Variants in FANK1 observed in about 807,000 individuals in gnomAD.
FANK1 encodes the protein fibronectin type 3 and ankyrin repeat domains protein 1.
In FANK1, 44 loss-of-function variants were observed where a neutral mutation model predicts 45.3. The ratio of observed to expected loss-of-function variants is 0.97; its 90% CI spans 0.76 to 1.25. FANK1 has a LOEUF of 1.25. FANK1 is among the 50% of genes most tolerant of loss of function. The pLI is 0.00. For missense variants in FANK1, 391 were observed against 424.4 expected (o/e 0.92, Z 0.69); for synonymous variants, 149 against 152.5 (o/e 0.98, Z 0.17).
intron 1 of FANK1, among the ~76,000 whole-genome samples, chr10:125,898,804 A>G (rs1443433689): frequency 2.0e-5 from 3 of 152,100 alleles, no homozygotes; most frequent in Non-Finnish European, 4.4e-5. Flanking sequence ...TACCTGAGGA[A>G]TGACTGTAAA....
At chr10:125,954,727 C>T (rs11244717) in intron 1 of FANK1, among the ~76,000 whole-genome samples, 1 of 151,848 alleles carries the variant, frequency 6.6e-6, no homozygotes, top group African/African-American at 2.4e-5. Flanking sequence ...CGAGACCAGC[C>T]TGGCCAACAT....
At chr10:125,910,262 A>G (rs1210684859) in intron 1 of FANK1, among the ~76,000 whole-genome samples, 4 of 152,234 alleles carry the variant, frequency 2.6e-5, no homozygotes, top group Non-Finnish European at 5.9e-5. Context: ...TCTAGCATAA[A>G]GAGTCCTACA....
chr10:126,000,896 A>C (rs1207581738), intron 6 of FANK1, among the ~76,000 whole-genome samples: 1 of 152,192 alleles, frequency 6.6e-6, no homozygotes, highest in East Asian at 1.9e-4. Context: ...TTTATAGCAG[A>C]ATCAATATAA....
intron 3 of FANK1, chr10:125,988,916 A>G (rs1172344627): frequency 3.2e-6 from 2 of 627,180 alleles, no homozygotes; most frequent in African/African-American, 3.6e-5. Flanking sequence ...GTTAGTAGCC[A>G]TTCAGCACAA....
Position 126,008,111 on chromosome 10 carries a change from A to C in FANK1, c.706-296A>C, listed in dbSNP as rs551336409. Among the ~76,000 whole-genome samples the C allele has an allele frequency of 4.1e-4, 62 of 152,326 alleles. 1 individual carries two copies. The highest frequency in any genetic ancestry group is 1.5e-5 in the Non-Finnish European group (1 of 68,036). On this transcript the variant is annotated intron_variant, in intron 7 of 10. Transcript: ENST00000368693. ...AAGAAAAATGAATGCTAGGTGAGGA[A>C]AGTTAGGCAAGAGAAAATAAGAACT...
rs375431303 is a variant in FANK1, at chr10:125,971,773, T to A, written c.14-8388T>A. The stretch of plus-strand genomic sequence containing the variant: ...AGTAGCTGGGACTACAGGTGCCCGC[T>A]ACCACGGCCGGCTAATTTTTTTGTA... On this transcript the variant is annotated intron_variant, in intron 1 of 10. Transcript: ENST00000368693. Among the ~76,000 whole-genome samples the A allele has an allele frequency of 2.6e-5, 4 of 151,968 alleles. No homozygotes were observed. The East Asian group carries it at 5.9e-4, about 22-fold the overall frequency.
intron 1 of FANK1, among the ~76,000 whole-genome samples, chr10:125,964,477 A>G (rs1053000321): frequency 2.6e-5 from 4 of 152,160 alleles, no homozygotes; most frequent in African/African-American, 9.7e-5. Flanking sequence ...ACAGGTGTGA[A>G]CCACTGCACC....
chr10:126,008,655 G>T, intron 8 of FANK1, 105 bp downstream of exon 8: 1 of 1,333,636 alleles, frequency 7.5e-7, no homozygotes, highest in African/African-American at 1.5e-5. Flanking sequence ...ACCAGCCCTT[G>T]GGTTTGACTG....
At chr10:125,911,135 C>T (rs1199739368) in intron 1 of FANK1, among the ~76,000 whole-genome samples, 3 of 151,974 alleles carry the variant, frequency 2.0e-5, no homozygotes, top group African/African-American at 2.4e-5. Context: ...GTGAGATGGG[C>T]AGAGGAGCGT....
At chr10:125,988,501 G>C (rs765195445) in intron 2 of FANK1, 50 bp from the exon 3 acceptor site, 7 of 1,599,496 alleles carry the variant, frequency 4.4e-6, no homozygotes, top group Non-Finnish European at 6.0e-6. Flanking sequence ...ATCAGAGAGT[G>C]CAGATTAAGC....
intron 2 of FANK1, among the ~76,000 whole-genome samples, chr10:125,982,316 C>T (rs1269404879): frequency 6.6e-6 from 1 of 152,202 alleles, no homozygotes; most frequent in Non-Finnish European, 1.5e-5. Context: ...GGCTTCCAGC[C>T]TGAGGTGTGT....
intron 1 of FANK1, among the ~76,000 whole-genome samples, chr10:125,898,496 C>G (rs945948959): frequency 3.3e-5 from 5 of 152,004 alleles, no homozygotes; most frequent in Non-Finnish European, 7.4e-5. Flanking sequence ...CAGAATGACC[C>G]AGCAAAGAAT....
intron 1 of FANK1, among the ~76,000 whole-genome samples, chr10:125,925,300 C>A (rs1423594889): frequency 6.6e-6 from 1 of 152,238 alleles, no homozygotes; most frequent in Non-Finnish European, 1.5e-5. Flanking sequence ...TTAATTTGAA[C>A]TTTTATCAAA....
Position 125,963,440 on chromosome 10 carries a change from T to G in FANK1, c.14-16721T>G, listed in dbSNP as rs147639926. On this transcript the variant is annotated intron_variant, in intron 1 of 10. Coordinates refer to ENST00000368693, the MANE Select transcript of FANK1 (RefSeq NM_145235.5). ...TAAATCATGCTGCTATACAGACACA[T>G]GCACAGGTACGTTTATTGCGGCACT... Among the ~76,000 whole-genome samples, 58 of 152,308 alleles carry G rather than the reference T, an allele frequency of 3.8e-4. No homozygotes were observed. In the East Asian group the frequency reaches 8.1e-3, roughly 21 times the overall value.
chr10:125,924,367 C>T (rs1947176394), intron 1 of FANK1, among the ~76,000 whole-genome samples: 1 of 151,616 alleles, frequency 6.6e-6, no homozygotes. Context: ...AATTCTCCTG[C>T]CTCAGCCTCC....
chr10:125,939,956 A>G (rs1186431947), intron 1 of FANK1, among the ~76,000 whole-genome samples: 2 of 151,350 alleles, frequency 1.3e-5, no homozygotes, highest in African/African-American at 4.9e-5. Flanking sequence ...TTTGAGACAG[A>G]GTCTCGCTCT....
chr10:126,004,679 A>G, intron 6 of FANK1: 1 of 543,282 alleles, frequency 1.8e-6, no homozygotes, highest in Non-Finnish European at 3.3e-6. Flanking sequence ...GCATGTTTGT[A>G]GCACTTCATT....
intron 1 of FANK1, among the ~76,000 whole-genome samples, chr10:125,933,548 G>A (rs970882140): frequency 6.6e-6 from 1 of 151,938 alleles, no homozygotes. Context: ...CTTGCTAATG[G>A]TCTATCAATT....
At chr10:125,985,271 T>A (rs1277453097) in intron 2 of FANK1, among the ~76,000 whole-genome samples, 4 of 152,234 alleles carry the variant, frequency 2.6e-5, no homozygotes, top group Non-Finnish European at 5.9e-5. Flanking sequence ...GCTATTATAT[T>A]CTCACTGAAC....
Sources: gnomAD v4.1 joint callset for allele counts (sites outside exome capture counted in the v4.1 genomes callset) on GRCh38, gnomAD v4.1.1 for gene constraint, MANE v1.5 for transcripts, NCBI Gene and HGNC (gene_info 2026-07-23, HGNC 2026-07-21) for gene names.